NCKAP5: variants seen among roughly 807,000 people sequenced by gnomAD.
NCKAP5 encodes the protein nck-associated protein 5.
A neutral mutation model predicts 167.0 loss-of-function variants in NCKAP5; 92 were observed. The ratio of observed to expected loss-of-function variants is 0.55; its 90% confidence interval spans 0.47 to 0.66. The LOEUF (loss-of-function observed/expected upper bound fraction) is 0.66. Ranked by LOEUF, NCKAP5 falls within the 30% of genes least tolerant of loss-of-function variation. The probability of loss-of-function intolerance (pLI) is 0.00; values close to 1 mark genes in which losing one functional copy is unlikely to be tolerated. For synonymous variants in NCKAP5, 891 were observed against 877.4 expected (o/e 1.02, Z -0.27); for missense variants, 2,378 against 2,315.0 (o/e 1.03, Z -0.56).
At chr2:133,636,167 G>A in the NCKAP5 span, among the ~76,000 whole-genome samples, 3 of 152,168 alleles carry the variant, frequency 2.0e-5, no homozygotes, top group African/African-American at 7.2e-5. Context: ...GATTTTCCAG[G>A]ACAAGAATAG....
chr2:132,966,937 T>C (rs1259771398), intron 7 of NCKAP5, among the ~76,000 whole-genome samples: 2 of 152,114 alleles, frequency 1.3e-5, no homozygotes, highest in Non-Finnish European at 2.9e-5. Flanking sequence ...AGGATACTAG[T>C]TTATTGCATG....
At chr2:132,822,598 C>CCCA (rs1686830727) in intron 11 of NCKAP5, among the ~76,000 whole-genome samples, 1 of 152,172 alleles carries the variant, frequency 6.6e-6, no homozygotes, top group Non-Finnish European at 1.5e-5. Flanking sequence ...AATTAGTCTA[C>CCCA]CCAAATGAGA....
intron 3 of NCKAP5, among the ~76,000 whole-genome samples, chr2:133,401,746 T>G (rs946612511): frequency 2.0e-5 from 3 of 152,254 alleles, no homozygotes; most frequent in Admixed American, 2.0e-4. Flanking sequence ...TATCTCACCC[T>G]GGTTTCCCAG....
intron 4 of NCKAP5, among the ~76,000 whole-genome samples, chr2:133,296,823 T>C (rs960356344): frequency 6.6e-6 from 1 of 152,222 alleles, no homozygotes; most frequent in Non-Finnish European, 1.5e-5. Context: ...TGTAGTATTA[T>C]GCTGCTCTCA....
intron 2 of NCKAP5, among the ~76,000 whole-genome samples, chr2:133,552,669 G>A (rs1432899109): frequency 2.1e-5 from 3 of 141,590 alleles, no homozygotes; most frequent in African/African-American, 5.3e-5. Flanking sequence ...TGGGTGCAGT[G>A]CACCAGCATG....
At chr2:132,987,036 G>A (rs746872040) in intron 7 of NCKAP5, among the ~76,000 whole-genome samples, 53 of 152,164 alleles carry the variant, frequency 3.5e-4, no homozygotes, top group Non-Finnish European at 1.3e-4. Context: ...CCAGGTGGAG[G>A]TTGCTAGGCG....
chr2:132,848,462 A>G (rs1688831373), intron 11 of NCKAP5, among the ~76,000 whole-genome samples: 1 of 152,194 alleles, frequency 6.6e-6, no homozygotes, highest in African/African-American at 2.4e-5. Flanking sequence ...GAACAATGTC[A>G]AATGTAACAA....
intron 9 of NCKAP5, among the ~76,000 whole-genome samples, chr2:132,872,481 T>C (rs930441910): frequency 2.0e-5 from 3 of 152,180 alleles, no homozygotes; most frequent in Non-Finnish European, 2.9e-5. Context: ...TCTATTATTT[T>C]ATTGAAAAAC....
At chr2:133,003,911 C>T (rs2077871649) in intron 6 of NCKAP5, among the ~76,000 whole-genome samples, 1 of 152,134 alleles carries the variant, frequency 6.6e-6, no homozygotes, top group Non-Finnish European at 1.5e-5. Flanking sequence ...ACTGATCCTG[C>T]TTGGGGAGCT....
the NCKAP5 span, among the ~76,000 whole-genome samples, chr2:133,613,800 T>C: frequency 6.6e-6 from 1 of 152,212 alleles, no homozygotes; most frequent in South Asian, 2.1e-4. Flanking sequence ...CTCTTCCCAA[T>C]GTTGGACAGC....
At chr2:132,963,921 A>G (rs779473247) in intron 7 of NCKAP5, 52 bp from the exon 8 acceptor site, 110 of 1,599,652 alleles carry the variant, frequency 6.9e-5, no homozygotes, top group Non-Finnish European at 9.1e-5. Flanking sequence ...AAAAATAAGC[A>G]TGAGTGTGAG....
rs144409509 is a variant in NCKAP5, at chr2:133,396,939, C to T, written c.70-93829G>A. 4.8e-3 allele frequency among the ~76,000 whole-genome samples: 738 copies of T among 152,224 alleles called. 6 individuals carry two copies. Among genetic ancestry groups the T allele is most frequent in the Middle Eastern group, 0.017 (5 of 294 alleles). ...CCATTTACTCTGAGCTTCCTGACTG[C>T]GTGAGATAGAGATAAAATCCCTATA... On this transcript the variant is annotated intron_variant, in intron 3 of 19. Coordinates refer to ENST00000409261, the MANE Select transcript of NCKAP5 (RefSeq NM_207363.3).
At chr2:132,736,019 T>C (rs927041233) in intron 16 of NCKAP5, among the ~76,000 whole-genome samples, 4 of 152,198 alleles carry the variant, frequency 2.6e-5, no homozygotes, top group Admixed American at 1.3e-4. Flanking sequence ...TCTTGAGTTC[T>C]CTGATTCCCA....
chr2:133,315,394 T>C (rs574936652), intron 3 of NCKAP5, among the ~76,000 whole-genome samples: 1 of 152,266 alleles, frequency 6.6e-6, no homozygotes, highest in South Asian at 2.1e-4. Flanking sequence ...AGTTGGATAA[T>C]GTGCTATTTT....
intron 11 of NCKAP5, among the ~76,000 whole-genome samples, chr2:132,846,955 T>G (rs1688706918): frequency 6.6e-6 from 1 of 152,186 alleles, no homozygotes; most frequent in South Asian, 2.1e-4. Flanking sequence ...ATTAATTAAG[T>G]AAATTCAATT....
chr2:133,399,806 T>C (rs944274313), intron 3 of NCKAP5, among the ~76,000 whole-genome samples: 1 of 152,192 alleles, frequency 6.6e-6, no homozygotes, highest in African/African-American at 2.4e-5. Context: ...GGGGTACTTA[T>C]GGGTCTCAGT....
At chr2:133,004,789 A>C (rs1048401239) in intron 6 of NCKAP5, among the ~76,000 whole-genome samples, 1 of 152,194 alleles carries the variant, frequency 6.6e-6, no homozygotes. Context: ...AGGGCACTGC[A>C]GGAGACCAGG....
At chr2:133,316,481 A>G (rs1428799787) in intron 3 of NCKAP5, among the ~76,000 whole-genome samples, 1 of 152,236 alleles carries the variant, frequency 6.6e-6, no homozygotes, top group African/African-American at 2.4e-5. Flanking sequence ...TATCTTTAAG[A>G]GACTTCCCTC....
rs74765372 is a variant in NCKAP5 at position 133,193,187 on chromosome 2, C to A, written c.207+20529G>T. Among the ~76,000 whole-genome samples the A allele has an allele frequency of 3.5e-3, 525 of 152,082 alleles. 6 individuals are homozygous for A. The highest frequency in any genetic ancestry group is 0.012 in the African/African-American group (503 of 41,508). On this transcript the variant is annotated intron_variant, in intron 5 of 19. Transcript: ENST00000409261. Reference sequence around the variant, plus strand: ...TACATGATTCCATTTATGTAACATTCTTGAAATGAGAATATGATAGAAATG... The same window carrying A: ...TACATGATTCCATTTATGTAACATTATTGAAATGAGAATATGATAGAAATG...
Sources: allele counts gnomAD v4.1 joint callset (sites outside exome capture counted in the v4.1 genomes callset), GRCh38; gene constraint gnomAD v4.1.1; transcripts MANE v1.5; gene names NCBI Gene and HGNC (gene_info 2026-07-23, HGNC 2026-07-21).